EML6: variants seen among roughly 807,000 people sequenced by gnomAD.
EML6 encodes echinoderm microtubule-associated protein-like 6.
Under a neutral mutation model 240.1 loss-of-function variants are expected in EML6, and 154 were observed. The observed-to-expected ratio is 0.64, with a 90% CI of 0.56 to 0.73. The LOEUF (loss-of-function observed/expected upper bound fraction) is 0.73, where lower values mean the gene tolerates loss of function less well. Ranked by LOEUF, EML6 falls within the 30% of genes least tolerant of loss-of-function variation. The pLI, the probability that EML6 is intolerant of heterozygous loss-of-function variation, is 0.00. For missense variants in EML6, 2,964 were observed against 2,474.6 expected, an observed-to-expected ratio of 1.20 and a Z score of -4.20; for synonymous variants, 1,148 against 899.0, an observed-to-expected ratio of 1.28 and a Z score of -4.95.
intron 26 of EML6, among the ~76,000 whole-genome samples, chr2:54,925,000 G>A (rs1397098555): frequency 6.6e-6 from 1 of 152,092 alleles, no homozygotes; most frequent in African/African-American, 2.4e-5. Flanking sequence ...TTCATTATCT[G>A]TTATGAACTT....
intron 11 of EML6, among the ~76,000 whole-genome samples, chr2:54,856,422 A>C (rs184225597): frequency 1.4e-3 from 206 of 152,330 alleles, no homozygotes; most frequent in Non-Finnish European, 2.1e-3. Context: ...ACACCTCAGC[A>C]ACCCACAAAA....
At chr2:54,749,405 ATTGT>A (rs1481666822) in intron 2 of EML6, among the ~76,000 whole-genome samples, 1 of 152,076 alleles carries the variant, frequency 6.6e-6, no homozygotes, top group East Asian at 1.9e-4. Context: ...TTAATATGTG[ATTGT>A]TTAATTGCTG....
chr2:54,832,003 G>C (rs1335234711), intron 7 of EML6, among the ~76,000 whole-genome samples: 1 of 152,080 alleles, frequency 6.6e-6, no homozygotes, highest in Non-Finnish European at 1.5e-5. Context: ...TTAATATGCT[G>C]GGGTTTAATT....
intron 26 of EML6, among the ~76,000 whole-genome samples, chr2:54,917,240 C>G (rs1487338254): frequency 6.6e-6 from 1 of 152,040 alleles, no homozygotes; most frequent in African/African-American, 2.4e-5. Flanking sequence ...CATTAGGATA[C>G]TTCCACAGAT....
At chr2:54,858,789 G>C (rs1164368734) in intron 11 of EML6, among the ~76,000 whole-genome samples, 1 of 152,214 alleles carries the variant, frequency 6.6e-6, no homozygotes, top group Non-Finnish European at 1.5e-5. Flanking sequence ...TAGTTGAACA[G>C]ATGGCCTCCC....
intron 16 of EML6, among the ~76,000 whole-genome samples, chr2:54,878,346 A>G (rs1246554458): frequency 6.6e-6 from 1 of 152,004 alleles, no homozygotes; most frequent in African/African-American, 2.4e-5. Flanking sequence ...CTTGGTAGTC[A>G]GAGAAGAGCC....
At chr2:54,883,435 A>G (rs1314623517) in intron 17 of EML6, among the ~76,000 whole-genome samples, 2 of 152,224 alleles carry the variant, frequency 1.3e-5, no homozygotes, top group Non-Finnish European at 2.9e-5. Flanking sequence ...ACTGCCACAG[A>G]AAGGGAGAAC....
At chr2:54,826,806 A>C (rs1415968167) in intron 5 of EML6, among the ~76,000 whole-genome samples, 1 of 152,230 alleles carries the variant, frequency 6.6e-6, no homozygotes, top group Non-Finnish European at 1.5e-5. Context: ...AAACGTTTCT[A>C]AGTAACATTT....
chr2:54,857,333 G>T (rs1670440384), intron 11 of EML6, among the ~76,000 whole-genome samples: 2 of 152,124 alleles, frequency 1.3e-5, no homozygotes, highest in Admixed American at 1.3e-4. Context: ...GAGGGCTGAG[G>T]CCTGAGCCCT....
intron 28 of EML6, among the ~76,000 whole-genome samples, chr2:54,943,328 T>A (rs1325289709): frequency 2.6e-5 from 4 of 152,112 alleles, no homozygotes; most frequent in Non-Finnish European, 5.9e-5. Context: ...CGGCCTCCTG[T>A]CCATCCATGC....
chr2:54,863,525 T>C (rs1670795270), intron 12 of EML6, among the ~76,000 whole-genome samples: 1 of 152,002 alleles, frequency 6.6e-6, no homozygotes, highest in Non-Finnish European at 1.5e-5. Context: ...AAAAAAAGTA[T>C]AAATGAGTTT....
chr2:54,827,849 G>C (rs554109494), intron 6 of EML6, 98 bp downstream of exon 6: 10 of 778,424 alleles, frequency 1.3e-5, no homozygotes, highest in East Asian at 1.1e-4. Context: ...TAGAATCAGA[G>C]AACCCTGCTG....
rs1055403917 is a variant in EML6, at chr2:54,950,813, T to G, written c.4213+34T>G. 5.8e-5 allele frequency: 89 copies of G among 1,539,698 alleles called. 1 individual carries two copies. The East Asian group carries it at 2.0e-3, about 34-fold the overall frequency. ...GGGTTAAAAAATACAGGTTTTTCTT[T>G]TAGCTGTTTTTTACATGCTTTCCCC... On this transcript the variant is annotated intron_variant, in intron 30 of 41. Transcript: ENST00000356458.
chr2:54,788,682 A>T (rs965940287), intron 2 of EML6, among the ~76,000 whole-genome samples: 3 of 152,222 alleles, frequency 2.0e-5, no homozygotes, highest in Non-Finnish European at 4.4e-5. Context: ...AGAATGGCTT[A>T]TCAGTCATTT....
intron 28 of EML6, among the ~76,000 whole-genome samples, chr2:54,942,118 G>A (rs1675461282): frequency 6.6e-6 from 1 of 152,180 alleles, no homozygotes; most frequent in Non-Finnish European, 1.5e-5. Context: ...GCAAAGCAAT[G>A]ACTTCTGTCT....
chr2:54,742,123 C>T (rs1463295239), intron 2 of EML6, among the ~76,000 whole-genome samples: 1 of 152,186 alleles, frequency 6.6e-6, no homozygotes, highest in Non-Finnish European at 1.5e-5. Context: ...AGAATTTCTG[C>T]TCTATGCTAG....
At chr2:54,914,209 G>A (rs780694966) in intron 25 of EML6, among the ~76,000 whole-genome samples, 3 of 152,268 alleles carry the variant, frequency 2.0e-5, no homozygotes, top group Non-Finnish European at 2.9e-5. Flanking sequence ...TTACATGATA[G>A]TTGTCAATCT....
At chr2:54,830,611 T>C (rs987542643) in intron 7 of EML6, among the ~76,000 whole-genome samples, 2 of 152,166 alleles carry the variant, frequency 1.3e-5, no homozygotes, top group Non-Finnish European at 2.9e-5. Flanking sequence ...CATGTGGCAG[T>C]GCGCGGTGCT....
chr2:54,788,160 G>T (rs760891531), intron 2 of EML6, among the ~76,000 whole-genome samples: 1 of 152,210 alleles, frequency 6.6e-6, no homozygotes, highest in South Asian at 2.1e-4. Flanking sequence ...GGCTTAGGTC[G>T]CCAGGTTCTC....
Sources: gnomAD v4.1 joint callset for allele counts (sites outside exome capture counted in the v4.1 genomes callset) on GRCh38, gnomAD v4.1.1 for gene constraint, MANE v1.5 for transcripts, NCBI Gene and HGNC (gene_info 2026-07-23, HGNC 2026-07-21) for gene names.